Variants in MANSC1 observed in about 807,000 individuals in gnomAD.
MANSC1 encodes the protein MANSC domain containing 1.
MANSC1 carries 13 observed loss-of-function variants against 14.1 expected under a neutral mutation model. That is an observed-to-expected ratio of 0.92 (90% confidence interval 0.60 to 1.46). MANSC1 has a LOEUF of 1.46. Among genes scored for constraint, MANSC1 ranks in the 40% most tolerant of loss-of-function variants. The pLI is 0.00. For missense variants in MANSC1, 486 were observed against 511.4 expected, an observed-to-expected ratio of 0.95 and a Z score of 0.48; for synonymous variants, 227 against 200.7, an observed-to-expected ratio of 1.13 and a Z score of -1.11.
rs765732772 is a variant in MANSC1 at position 12,330,395 on chromosome 12, G to C, written c.928C>G (p.Pro310Ala). 3.7e-6 allele frequency: 6 copies of C among 1,614,114 alleles called. No homozygotes were observed. In the African/African-American group the frequency reaches 5.3e-5, roughly 14 times the overall value. The change falls in exon 4 of 4, where the codon CCT (proline) becomes GCT (alanine). Residue 310 changes from proline (P) to alanine (A), a missense_variant. Pro to Ala is a conservative substitution (Grantham distance 27, BLOSUM62 -1). Coordinates refer to ENST00000535902, the MANE Select transcript of MANSC1 (RefSeq NM_018050.4). ...TAVLTTTFQAPTDSKGSLETI... is the reference protein window; with the variant it reads ...TAVLTTTFQAATDSKGSLETI... ...TCTAAGCTGCCTTTCGAGTCCGTAGGTGCCTGAAAGGTGGTAGTCAGAACT... is the reference window on the plus strand; with the variant it reads ...TCTAAGCTGCCTTTCGAGTCCGTAGCTGCCTGAAAGGTGGTAGTCAGAACT...
intron 2 of MANSC1, chr12:12,338,890 A>C (rs2417093): frequency 2.2e-3 from 423 of 192,588 alleles, no homozygotes; most frequent in East Asian, 4.2e-3. Context: ...CACACACACA[A>C]ACACACACAC....
intron 3 of MANSC1, 47 bp from the exon 4 acceptor site, chr12:12,331,005 T>C: frequency 8.6e-7 from 1 of 1,160,990 alleles, no homozygotes; most frequent in Non-Finnish European, 1.2e-6. Flanking sequence ...AACTCCATGC[T>C]ACGGTAGGTT....
chr12:12,337,467 G>A (rs1301070530), intron 3 of MANSC1, among the ~76,000 whole-genome samples: 13 of 147,084 alleles, frequency 8.8e-5, no homozygotes, highest in Middle Eastern at 7.8e-3. Context: ...AGGCTGAGGC[G>A]GGAGAATGGC....
rs1565792575 is a variant in MANSC1 at position 12,330,808 on chromosome 12, A to C, written c.515T>G (p.Leu172Arg). 6.2e-7 allele frequency: 1 copy of C among 1,614,162 alleles called. No homozygotes were observed. Among genetic ancestry groups the C allele is most frequent in the East Asian group, 2.2e-5 (1 of 44,884 alleles). ...KPTDISWRDT[L>R]SQKFGSSDHL... is the part of the protein sequence containing the mutation. ...ATCTGAGGATCCAAACTTCTGAGAA[A>C]GTGTGTCTCTCCATGAGATATCGGT... The change falls in exon 4 of 4, where the codon CTT becomes CGT. Residue 172 changes from leucine (L) to arginine (R), a missense_variant. Physicochemically the swap from Leu to Arg is moderately radical, Grantham distance 102. Coordinates refer to ENST00000535902, the MANE Select transcript of MANSC1 (RefSeq NM_018050.4).
chr12:12,334,040 G>A (rs1379440335), intron 3 of MANSC1, among the ~76,000 whole-genome samples: 1 of 152,044 alleles, frequency 6.6e-6, no homozygotes, highest in Admixed American at 6.6e-5. Flanking sequence ...CTTGAGGCCA[G>A]GAGTTTGAGA....
chr12:12,332,059 C>T (rs1421127636), intron 3 of MANSC1, among the ~76,000 whole-genome samples: 1 of 152,158 alleles, frequency 6.6e-6, no homozygotes, highest in African/African-American at 2.4e-5. Flanking sequence ...CCTGATCACA[C>T]ACCCCATTTA....
intron 1 of MANSC1, among the ~76,000 whole-genome samples, chr12:12,345,218 G>A (rs904867379): frequency 4.0e-5 from 6 of 149,306 alleles, no homozygotes; most frequent in Non-Finnish European, 7.4e-5. Context: ...TACTCGGGAG[G>A]TTGAGGCAGG....
At chr12:12,339,531 G>T (rs148383244) in intron 2 of MANSC1, among the ~76,000 whole-genome samples, 105 of 152,132 alleles carry the variant, frequency 6.9e-4, no homozygotes, top group African/African-American at 2.4e-3. Context: ...GCCTCTGAAA[G>T]TGCTGGGATT....
In MANSC1 at chr12:12,330,716, G is replaced by C. The variant is rs1437216635; in HGVS notation, c.607C>G (p.His203Asp). Reference protein sequence around the residue: ...AQLLAYKEKGHSQSSQFSSDQ... With the variant: ...AQLLAYKEKGDSQSSQFSSDQ... ...GAGGAAAATTGTGAACTCTGAGAAT[G>C]GCCTTTTTCCTTATAAGCAAGGAGC... Residue 203 changes from histidine to aspartate, a missense_variant, in exon 4 of 4, where the codon CAT (histidine) becomes GAT (aspartate). His to Asp is a moderately conservative substitution (Grantham distance 81). Transcript: ENST00000535902. 3.1e-6 allele frequency: 5 copies of C among 1,614,162 alleles called. No homozygotes were observed. The highest frequency in any genetic ancestry group is 1.1e-5 in the South Asian group (1 of 91,086).
At chr12:12,338,319 C>T (rs1400362975) in intron 3 of MANSC1, 101 bp downstream of exon 3, 4 of 1,026,510 alleles carry the variant, frequency 3.9e-6, no homozygotes, top group Admixed American at 2.9e-5. Flanking sequence ...TGTCTGGTAC[C>T]CCTTCTGGTA....
chr12:12,345,949 A>C (rs73279303), intron 1 of MANSC1, among the ~76,000 whole-genome samples: 2,487 of 152,328 alleles, frequency 0.016, 68 homozygotes, highest in African/African-American at 0.057. Context: ...TAACATGTTC[A>C]TGGATAGGAA....
chr12:12,329,371 T>C lies in MANSC1; in HGVS notation c.*656A>G, dbSNP rs953346224. On this transcript the variant is annotated 3_prime_UTR_variant, in exon 4 of 4. Coordinates refer to ENST00000535902, the MANE Select transcript of MANSC1 (RefSeq NM_018050.4). ...AAAGCAAATCCATTAGAAATTGATATAAACAGTTGATTTTATCTGGAACCA... is the reference window on the plus strand; with the variant it reads ...AAAGCAAATCCATTAGAAATTGATACAAACAGTTGATTTTATCTGGAACCA... 1 of 152,208 alleles carries C rather than the reference T, an allele frequency of 6.6e-6. No individual in the cohort carries two copies. Among genetic ancestry groups the C allele is most frequent in the African/African-American group, 2.4e-5 (1 of 41,454 alleles). The allele number at this position is 152,208 out of a possible 1,614,324, so 9.4% of individuals were successfully genotyped here. A position where few individuals can be genotyped will look rare whatever the true frequency, so the allele number is the denominator to read the frequency against.
rs1166063128 is a variant in MANSC1 at position 12,328,774 on chromosome 12, G to A, written c.*1253C>T. 1.3e-5 allele frequency: 2 copies of A among 151,240 alleles called. No homozygotes were observed. The highest frequency in any genetic ancestry group is 4.8e-5 in the African/African-American group (2 of 41,256). The allele number at this position is 151,240 out of a possible 1,614,324, so 9.4% of individuals were successfully genotyped here. ...GAGGCCGAGGCGGGCGGATCACAAGGTCAGGAGATCGAGACCATCCTGACT... is the reference window on the plus strand; with the variant it reads ...GAGGCCGAGGCGGGCGGATCACAAGATCAGGAGATCGAGACCATCCTGACT... On this transcript the variant is annotated 3_prime_UTR_variant, in exon 4 of 4. Coordinates refer to ENST00000535902, the MANE Select transcript of MANSC1 (RefSeq NM_018050.4).
chr12:12,331,469 GGA>G (rs929976490), intron 3 of MANSC1, among the ~76,000 whole-genome samples: 54 of 152,192 alleles, frequency 3.5e-4, no homozygotes, highest in Non-Finnish European at 7.5e-4. Context: ...CCAAGGCCAG[GGA>G]AAAAAGTGGG....
At chr12:12,349,766 CAG>C (rs1393351482) in intron 1 of MANSC1, among the ~76,000 whole-genome samples, 2 of 152,222 alleles carry the variant, frequency 1.3e-5, no homozygotes, top group Non-Finnish European at 2.9e-5. Context: ...GACAAGAAAA[CAG>C]GGAACATTTT....
chr12:12,333,834 C>A (rs1418718545), intron 3 of MANSC1, among the ~76,000 whole-genome samples: 1 of 152,174 alleles, frequency 6.6e-6, no homozygotes, highest in African/African-American at 2.4e-5. Context: ...AAATGACATG[C>A]CATGAAGCTG....
chr12:12,345,883 G>A (rs1391846908), intron 1 of MANSC1, among the ~76,000 whole-genome samples: 1 of 152,218 alleles, frequency 6.6e-6, no homozygotes, highest in Non-Finnish European at 1.5e-5. Flanking sequence ...ATTTTAGAAT[G>A]TCCCTACAAA....
chr12:12,349,816 A>T (rs1410193860), intron 1 of MANSC1, among the ~76,000 whole-genome samples: 1 of 152,234 alleles, frequency 6.6e-6, no homozygotes, highest in East Asian at 1.9e-4. Flanking sequence ...CTACTGAGCT[A>T]TTCTTCTGCC....
intron 3 of MANSC1, among the ~76,000 whole-genome samples, chr12:12,335,402 G>A (rs926888159): frequency 5.3e-5 from 8 of 151,300 alleles, no homozygotes; most frequent in Non-Finnish European, 1.2e-4. Context: ...GTGCAGTGGC[G>A]CAATCTCAGC....
Sources: gnomAD v4.1 joint callset for allele counts (sites outside exome capture counted in the v4.1 genomes callset) on GRCh38, gnomAD v4.1.1 for gene constraint, MANE v1.5 for transcripts, NCBI Gene and HGNC (gene_info 2026-07-23, HGNC 2026-07-21) for gene names.